Variants in RBMS3 observed in about 807,000 individuals in gnomAD.
RBMS3 encodes RNA-binding motif, single-stranded-interacting protein 3.
Under a neutral mutation model 66.8 loss-of-function variants are expected in RBMS3, and 27 were observed. The ratio of observed to expected loss-of-function variants is 0.40; its 90% CI spans 0.30 to 0.56. The LOEUF (loss-of-function observed/expected upper bound fraction) is 0.56. Ranked by LOEUF, RBMS3 falls within the 20% of genes least tolerant of loss-of-function variation. The pLI is 0.40. For missense variants in RBMS3, 513 were observed against 549.5 expected (o/e 0.93, Z 0.66); for synonymous variants, 188 against 183.0 (o/e 1.03, Z -0.22).
intron 1 of RBMS3, among the ~76,000 whole-genome samples, chr3:29,358,231 A>T (rs2037345773): frequency 6.6e-6 from 1 of 152,220 alleles, no homozygotes; most frequent in African/African-American, 2.4e-5. Context: ...TATAAGATGT[A>T]AGGAAGGGAT....
chr3:29,284,414 T>A (rs1020145170), intron 1 of RBMS3, among the ~76,000 whole-genome samples: 1 of 152,148 alleles, frequency 6.6e-6, no homozygotes, highest in African/African-American at 2.4e-5. Context: ...TGTTTATTAC[T>A]ACATTATTTC....
At chr3:29,591,493 A>G (rs1405354822) in intron 4 of RBMS3, among the ~76,000 whole-genome samples, 9 of 152,194 alleles carry the variant, frequency 5.9e-5, no homozygotes. Context: ...GTGGAAATAG[A>G]ATTCTTGAGT....
At chr3:29,352,393 A>AT (rs1406857317) in intron 1 of RBMS3, among the ~76,000 whole-genome samples, 1 of 152,006 alleles carries the variant, frequency 6.6e-6, no homozygotes, top group Non-Finnish European at 1.5e-5. Context: ...ATGTGGTTGA[A>AT]TTTTAAATTT....
intron 4 of RBMS3, among the ~76,000 whole-genome samples, chr3:29,672,504 G>T (rs1212662720): frequency 6.6e-6 from 1 of 152,136 alleles, no homozygotes; most frequent in African/African-American, 2.4e-5. Flanking sequence ...ATTGGATAAA[G>T]AGTCAAGACA....
At chr3:29,294,347 G>C (rs940451577) in intron 1 of RBMS3, among the ~76,000 whole-genome samples, 1 of 151,584 alleles carries the variant, frequency 6.6e-6, no homozygotes, top group African/African-American at 2.4e-5. Flanking sequence ...CACTTGGCTA[G>C]TACCCTGAGG....
At chr3:29,369,862 T>G (rs1035760518) in intron 1 of RBMS3, among the ~76,000 whole-genome samples, 3 of 152,170 alleles carry the variant, frequency 2.0e-5, no homozygotes, top group African/African-American at 7.2e-5. Context: ...CTACCCCGAT[T>G]TACAGTGATA....
intron 4 of RBMS3, chr3:29,641,037 A>G (rs1045563675): frequency 2.6e-5 from 4 of 152,020 alleles, no homozygotes; most frequent in African/African-American, 9.7e-5. Flanking sequence ...ATTTGTTCAT[A>G]ATAGAAACTT....
chr3:29,655,776 C>A (rs1415562355), intron 4 of RBMS3, among the ~76,000 whole-genome samples: 1 of 151,978 alleles, frequency 6.6e-6, no homozygotes, highest in Non-Finnish European at 1.5e-5. Context: ...ATGAGATATT[C>A]CAGATGAAGG....
intron 6 of RBMS3, among the ~76,000 whole-genome samples, chr3:29,801,059 A>G (rs1401130184): frequency 6.6e-6 from 1 of 152,024 alleles, no homozygotes; most frequent in South Asian, 2.1e-4. Context: ...GGGTCATAAT[A>G]GTTGTACTAC....
At chr3:29,925,524 T>C (rs2060914373) in intron 10 of RBMS3, among the ~76,000 whole-genome samples, 1 of 152,198 alleles carries the variant, frequency 6.6e-6, no homozygotes, top group African/African-American at 2.4e-5. Flanking sequence ...GTGGCTGTCA[T>C]TTATAACAAG....
At chr3:29,880,037 A>G (rs1393672547) in intron 7 of RBMS3, among the ~76,000 whole-genome samples, 1 of 152,196 alleles carries the variant, frequency 6.6e-6, no homozygotes, top group Non-Finnish European at 1.5e-5. Context: ...ATTTGTCTCA[A>G]TGAATTTATT....
chr3:29,583,578 T>C (rs940244522), intron 3 of RBMS3, among the ~76,000 whole-genome samples: 1 of 152,168 alleles, frequency 6.6e-6, no homozygotes, highest in African/African-American at 2.4e-5. Context: ...CACCTGGTAA[T>C]GGAGAGTGCT....
intron 2 of RBMS3, among the ~76,000 whole-genome samples, chr3:29,446,789 A>G (rs1022318498): frequency 2.6e-5 from 4 of 151,932 alleles, no homozygotes; most frequent in Admixed American, 6.6e-5. Flanking sequence ...CTTGGATTTT[A>G]TCCCTGAATC....
chr3:29,786,974 A>G (rs755072458), intron 6 of RBMS3, among the ~76,000 whole-genome samples: 1 of 152,214 alleles, frequency 6.6e-6, no homozygotes, highest in Non-Finnish European at 1.5e-5. Context: ...AAATAATTCA[A>G]ATCAGCAAGA....
At chr3:29,868,238 T>C in intron 6 of RBMS3, among the ~76,000 whole-genome samples, 1 of 151,676 alleles carries the variant, frequency 6.6e-6, no homozygotes, top group Admixed American at 6.6e-5. Context: ...TATAGCCATA[T>C]CCTTTGGCTA....
At chr3:29,810,640 G>A (rs143128478) in intron 6 of RBMS3, among the ~76,000 whole-genome samples, 1 of 152,112 alleles carries the variant, frequency 6.6e-6, no homozygotes, top group Non-Finnish European at 1.5e-5. Context: ...CATTGATGAG[G>A]TTATGGTGTA....
At chr3:29,809,557 A>G (rs533185226) in intron 6 of RBMS3, among the ~76,000 whole-genome samples, 5 of 152,084 alleles carry the variant, frequency 3.3e-5, no homozygotes, top group Admixed American at 3.3e-4. Flanking sequence ...TTCATTACTA[A>G]TATTAAATTT....
intron 12 of RBMS3, among the ~76,000 whole-genome samples, chr3:29,974,453 T>C (rs1697424994): frequency 6.6e-6 from 1 of 151,926 alleles, no homozygotes; most frequent in African/African-American, 2.4e-5. Flanking sequence ...TTTATTGAAG[T>C]ATAACACATG....
intron 1 of RBMS3, among the ~76,000 whole-genome samples, chr3:29,287,882 A>C (rs115807448): frequency 0.048 from 7,302 of 152,084 alleles, 231 homozygotes; most frequent in South Asian, 0.076. Context: ...TGGCAGACTG[A>C]GATGAGTTAA....
Sources: allele counts gnomAD v4.1 joint callset (sites outside exome capture counted in the v4.1 genomes callset), GRCh38; gene constraint gnomAD v4.1.1; transcripts MANE v1.5; gene names NCBI Gene and HGNC (gene_info 2026-07-23, HGNC 2026-07-21).